The following INTU variants were observed in gnomAD, a reference collection of about 807,000 sequenced individuals.
The protein encoded by INTU is protein inturned.
INTU carries 68 observed loss-of-function variants against 100.5 expected under a neutral mutation model. The ratio of observed to expected loss-of-function variants is 0.68; its 90% confidence interval spans 0.56 to 0.83. The LOEUF (loss-of-function observed/expected upper bound fraction) is 0.83. INTU is among the 40% of genes least tolerant of loss of function. The pLI is 0.00. For missense variants in INTU, 1,071 were observed against 1,114.7 expected, an observed-to-expected ratio of 0.96 and a Z score of 0.56; for synonymous variants, 357 against 395.7, an observed-to-expected ratio of 0.90 and a Z score of 1.16.
At chr4:127,660,808 A>G (rs568504471) in intron 3 of INTU, among the ~76,000 whole-genome samples, 4 of 152,302 alleles carry the variant, frequency 2.6e-5, no homozygotes, top group Non-Finnish European at 5.9e-5. Context: ...GAGTAATAAG[A>G]GAAAACCCTT....
chr4:127,666,160 T>C (rs1254142770), intron 4 of INTU, among the ~76,000 whole-genome samples: 1 of 152,182 alleles, frequency 6.6e-6, no homozygotes, highest in Admixed American at 6.6e-5. Flanking sequence ...TAGAAGTTTC[T>C]GAATAGTGCT....
At chr4:127,649,533 T>C (rs1027895278) in intron 2 of INTU, among the ~76,000 whole-genome samples, 1 of 152,094 alleles carries the variant, frequency 6.6e-6, no homozygotes, top group Admixed American at 6.5e-5. Context: ...AATATTGCAT[T>C]ATACTTACCT....
chr4:127,646,147 G>T lies in INTU; in HGVS notation c.682+2091G>T, dbSNP rs192557514. Reference sequence around the variant, plus strand: ...TGCAATGAGCCAAGATTGTACCACCGCACTCCAGCCTGGGGGAACACAGTG... The same window carrying T: ...TGCAATGAGCCAAGATTGTACCACCTCACTCCAGCCTGGGGGAACACAGTG... On this transcript the variant is annotated intron_variant, in intron 2 of 15. Coordinates refer to ENST00000335251, the MANE Select transcript of INTU (RefSeq NM_015693.4). Among the ~76,000 whole-genome samples, 20 of 148,092 alleles carry T rather than the reference G, an allele frequency of 1.4e-4. No individual in the cohort carries two copies. The East Asian group carries it at 3.6e-3, about 27-fold the overall frequency.
chr4:127,642,911 TG>T, intron 1 of INTU, among the ~76,000 whole-genome samples: 1 of 152,208 alleles, frequency 6.6e-6, no homozygotes, highest in East Asian at 1.9e-4. Flanking sequence ...GACAGTAAAG[TG>T]ATCATTACTA....
chr4:127,672,467 CT>C (rs55709540), intron 5 of INTU, among the ~76,000 whole-genome samples: 100,177 of 115,212 alleles, frequency 0.87, 42,998 homozygotes, highest in Middle Eastern at 0.94. Flanking sequence ...TGCGGTGTTG[CT>C]TTTTTTTTTT....
intron 4 of INTU, among the ~76,000 whole-genome samples, chr4:127,667,716 T>C (rs1277855075): frequency 1.3e-5 from 2 of 152,146 alleles, no homozygotes; most frequent in African/African-American, 2.4e-5. Context: ...GATATTTAAC[T>C]TAATTTCTAG....
At chr4:127,704,024 TG>T (rs1379172186) in intron 9 of INTU, among the ~76,000 whole-genome samples, 1 of 152,202 alleles carries the variant, frequency 6.6e-6, no homozygotes, top group Non-Finnish European at 1.5e-5. Context: ...CTTAAAAGAA[TG>T]AAACATAAGG....
chr4:127,715,539 C>T (rs180879431), intron 15 of INTU, among the ~76,000 whole-genome samples: 66 of 152,220 alleles, frequency 4.3e-4, no homozygotes, highest in Non-Finnish European at 7.5e-4. Context: ...TGTGATTATC[C>T]TGTGAACCAG....
intron 3 of INTU, among the ~76,000 whole-genome samples, chr4:127,657,744 C>T (rs557196663): frequency 6.6e-6 from 1 of 151,660 alleles, no homozygotes; most frequent in East Asian, 1.9e-4. Flanking sequence ...TCTCCCATCA[C>T]CCCCAGATGG....
intron 1 of INTU, 33 bp downstream of exon 1, chr4:127,633,213 T>C: frequency 6.2e-7 from 1 of 1,601,358 alleles, no homozygotes; most frequent in Non-Finnish European, 8.5e-7. Flanking sequence ...ATTAATCCCA[T>C]CCCATCAATC....
chr4:127,704,056 G>A (rs889114938), intron 9 of INTU, among the ~76,000 whole-genome samples, 172 bp from the exon 10 acceptor site: 6 of 152,068 alleles, frequency 3.9e-5, no homozygotes, highest in African/African-American at 9.7e-5. Flanking sequence ...TGAAGTAAAC[G>A]TATGCATATT....
chr4:127,684,513 A>C, intron 7 of INTU, 27 bp downstream of exon 7: 1 of 1,260,716 alleles, frequency 7.9e-7, no homozygotes, highest in Middle Eastern at 1.9e-4. Context: ...ATTGAATCTC[A>C]AGTTTTAATT....
intron 2 of INTU, among the ~76,000 whole-genome samples, chr4:127,652,330 C>T (rs1444366033): frequency 2.7e-5 from 4 of 150,766 alleles, no homozygotes. Flanking sequence ...AGTTTTTGCC[C>T]ATTCAGTATG....
chr4:127,684,130 T>C (rs1000168790), intron 6 of INTU, among the ~76,000 whole-genome samples: 1 of 152,208 alleles, frequency 6.6e-6, no homozygotes, highest in Admixed American at 6.5e-5. Flanking sequence ...TGGTGACTAC[T>C]GGCCTCATTT....
At chr4:127,654,619 A>T (rs376114826) in intron 2 of INTU, among the ~76,000 whole-genome samples, 14,799 of 151,488 alleles carry the variant, frequency 0.098, 968 homozygotes, top group Non-Finnish European at 0.14. Flanking sequence ...CTTCCCTTTG[A>T]GGGTAACCCG....
At chr4:127,652,878 G>A (rs1305200753) in intron 2 of INTU, among the ~76,000 whole-genome samples, 14 of 138,244 alleles carry the variant, frequency 1.0e-4, no homozygotes, top group African/African-American at 3.6e-4. Flanking sequence ...GTAAACTATT[G>A]ATTATTGCCA....
intron 7 of INTU, chr4:127,686,030 T>C (rs949123826): frequency 2.0e-5 from 3 of 152,194 alleles, no homozygotes; most frequent in Admixed American, 1.3e-4. Flanking sequence ...ATGTTATTAA[T>C]AGACATTTTG....
intron 6 of INTU, among the ~76,000 whole-genome samples, chr4:127,676,583 CT>C (rs1399929672): frequency 7.6e-6 from 1 of 132,270 alleles, no homozygotes; most frequent in Non-Finnish European, 1.6e-5. Context: ...AAGACAATGT[CT>C]CAAAAAAAAA....
chr4:127,648,905 G>A (rs1727706321), intron 2 of INTU, among the ~76,000 whole-genome samples: 1 of 151,940 alleles, frequency 6.6e-6, no homozygotes, highest in African/African-American at 2.4e-5. Context: ...TTTGTCCAAA[G>A]TGCTGTAATA....
Sources: allele counts gnomAD v4.1 joint callset (sites outside exome capture counted in the v4.1 genomes callset), GRCh38; gene constraint gnomAD v4.1.1; transcripts MANE v1.5; gene names NCBI Gene and HGNC (gene_info 2026-07-23, HGNC 2026-07-21).